Variants in CDH13 observed in about 807,000 individuals in gnomAD.
The protein encoded by CDH13 is cadherin-13.
A neutral mutation model predicts 63.8 loss-of-function variants in CDH13; 24 were observed. That is an observed-to-expected ratio of 0.38 (90% CI 0.27 to 0.53). The LOEUF (loss-of-function observed/expected upper bound fraction) is 0.53. Among genes scored for constraint, CDH13 ranks in the 20% least tolerant of loss-of-function variants. CDH13 has a pLI of 0.85. For missense variants in CDH13, 1,049 were observed against 903.1 expected (o/e 1.16, Z -2.07); for synonymous variants, 503 against 355.3 (o/e 1.42, Z -4.67).
chr16:83,624,695 G>A (rs1001489599), intron 8 of CDH13, among the ~76,000 whole-genome samples: 4 of 152,110 alleles, frequency 2.6e-5, no homozygotes, highest in African/African-American at 7.2e-5. Flanking sequence ...CCCAGGGGTT[G>A]GGGACCCTTG....
At chr16:83,714,107 C>T (rs1908516036) in intron 10 of CDH13, among the ~76,000 whole-genome samples, 1 of 152,176 alleles carries the variant, frequency 6.6e-6, no homozygotes, top group African/African-American at 2.4e-5. Context: ...CTGCCCTACG[C>T]CAAATCAGGT....
chr16:83,062,882 T>C (rs2151526303), intron 3 of CDH13, among the ~76,000 whole-genome samples: 1 of 152,166 alleles, frequency 6.6e-6, no homozygotes, highest in African/African-American at 2.4e-5. Context: ...ACCTTGGTGA[T>C]TCTTTGCATG....
intron 1 of CDH13, among the ~76,000 whole-genome samples, chr16:82,775,454 C>A (rs1225203462): frequency 6.6e-6 from 1 of 152,090 alleles, no homozygotes. Flanking sequence ...TCACACTCAC[C>A]CCATAGGCTG....
intron 6 of CDH13, among the ~76,000 whole-genome samples, chr16:83,460,536 G>A (rs951996818): frequency 1.3e-5 from 2 of 152,164 alleles, no homozygotes; most frequent in Admixed American, 6.5e-5. Context: ...ACTGCAGCAA[G>A]GATGGTGGAT....
At chr16:82,944,515 G>A (rs1053712447) in intron 2 of CDH13, among the ~76,000 whole-genome samples, 2 of 152,148 alleles carry the variant, frequency 1.3e-5, no homozygotes, top group Non-Finnish European at 2.9e-5. Context: ...GGCAATGTCT[G>A]GAGATAATTT....
At chr16:83,420,943 C>A (rs947849666) in intron 6 of CDH13, among the ~76,000 whole-genome samples, 7 of 152,220 alleles carry the variant, frequency 4.6e-5, no homozygotes, top group South Asian at 4.1e-4. Context: ...GAAGACCCAG[C>A]AAGCAAGGTT....
At chr16:83,127,566 C>G (rs1446080351) in intron 4 of CDH13, among the ~76,000 whole-genome samples, 1 of 151,930 alleles carries the variant, frequency 6.6e-6, no homozygotes, top group Non-Finnish European at 1.5e-5. Context: ...CCCGTCTCAA[C>G]TAAAAATACA....
intron 5 of CDH13, among the ~76,000 whole-genome samples, chr16:83,245,949 C>G (rs1904948583): frequency 6.6e-6 from 1 of 152,140 alleles, no homozygotes; most frequent in African/African-American, 2.4e-5. Context: ...ACAGCCCAGG[C>G]TGGTCTTACA....
At chr16:82,803,574 T>C (rs1490491538) in intron 1 of CDH13, among the ~76,000 whole-genome samples, 1 of 152,108 alleles carries the variant, frequency 6.6e-6, no homozygotes, top group African/African-American at 2.4e-5. Context: ...GTCGTTTAGG[T>C]GTGCTATAGG....
chr16:83,220,088 A>C (rs542471776), intron 5 of CDH13, among the ~76,000 whole-genome samples: 22 of 151,966 alleles, frequency 1.4e-4, no homozygotes, highest in Non-Finnish European at 2.5e-4. Context: ...TTGGCAGCGC[A>C]CTCTTCAATG....
At chr16:83,386,151 T>C (rs1417842175) in intron 6 of CDH13, among the ~76,000 whole-genome samples, 1 of 152,234 alleles carries the variant, frequency 6.6e-6, no homozygotes, top group Non-Finnish European at 1.5e-5. Flanking sequence ...CATGAGCTGC[T>C]GTTGTATTTG....
intron 6 of CDH13, among the ~76,000 whole-genome samples, chr16:83,390,938 C>CTCTTAG (rs984765134): frequency 3.3e-5 from 5 of 152,188 alleles, no homozygotes; most frequent in African/African-American, 4.8e-5. Context: ...AGAGGCCTGG[C>CTCTTAG]TCTTAGCAGG....
intron 2 of CDH13, among the ~76,000 whole-genome samples, chr16:82,908,394 A>G (rs566653784): frequency 6.6e-6 from 1 of 152,160 alleles, no homozygotes; most frequent in Non-Finnish European, 1.5e-5. Context: ...GGTGCAGCTC[A>G]TGGAACACTG....
chr16:82,841,698 G>A (rs1485575125), intron 1 of CDH13, among the ~76,000 whole-genome samples: 1 of 152,066 alleles, frequency 6.6e-6, no homozygotes, highest in Non-Finnish European at 1.5e-5. Flanking sequence ...ATTTCACTCT[G>A]GGAAAGAGCA....
intron 7 of CDH13, among the ~76,000 whole-genome samples, chr16:83,524,366 A>G (rs1167386856): frequency 2.0e-5 from 3 of 151,216 alleles, no homozygotes; most frequent in African/African-American, 7.3e-5. Context: ...CAATTGTAGG[A>G]GCAGGAAGTT....
chr16:82,921,737 T>C (rs2042161472), intron 2 of CDH13, among the ~76,000 whole-genome samples: 2 of 152,246 alleles, frequency 1.3e-5, no homozygotes, highest in South Asian at 4.1e-4. Context: ...TTGGTAGTAA[T>C]GTAATAATGT....
chr16:83,676,481 G>T (rs1914965388), intron 9 of CDH13, among the ~76,000 whole-genome samples: 1 of 152,178 alleles, frequency 6.6e-6, no homozygotes, highest in Non-Finnish European at 1.5e-5. Flanking sequence ...CAGCTCCCTG[G>T]CCCTGGTTTG....
intron 8 of CDH13, among the ~76,000 whole-genome samples, chr16:83,624,425 A>C (rs542004997): frequency 6.6e-6 from 1 of 151,060 alleles, no homozygotes; most frequent in South Asian, 2.1e-4. Context: ...CACAGATGGC[A>C]GGGGTGGTGG....
At chr16:82,647,587 C>A (rs1430011653) in intron 1 of CDH13, among the ~76,000 whole-genome samples, 1 of 151,972 alleles carries the variant, frequency 6.6e-6, no homozygotes, top group Non-Finnish European at 1.5e-5. Context: ...GCCATCCCAC[C>A]TGAGGGGCAT....
Sources: gnomAD v4.1 joint callset for allele counts (sites outside exome capture counted in the v4.1 genomes callset) on GRCh38, gnomAD v4.1.1 for gene constraint, MANE v1.5 for transcripts, NCBI Gene and HGNC (gene_info 2026-07-23, HGNC 2026-07-21) for gene names.